Variants in ST18 observed in about 807,000 individuals in gnomAD.
ST18 encodes the protein ST18 C2H2C-type zinc finger transcription factor.
Under a neutral mutation model 110.0 loss-of-function variants are expected in ST18, and 50 were observed. The ratio of observed to expected loss-of-function variants is 0.45; its 90% CI spans 0.36 to 0.58. ST18 has a LOEUF of 0.58. Among genes scored for constraint, ST18 ranks in the 20% least tolerant of loss-of-function variants. The probability of loss-of-function intolerance (pLI) is 0.00; values close to 1 mark genes in which losing one functional copy is unlikely to be tolerated. For missense variants in ST18, 1,306 were observed against 1,280.1 expected, an observed-to-expected ratio of 1.02 and a Z score of -0.31; for synonymous variants, 461 against 452.4, an observed-to-expected ratio of 1.02 and a Z score of -0.24.
At chr8:52,260,227 G>T in intron 2 of ST18, among the ~76,000 whole-genome samples, 1 of 152,068 alleles carries the variant, frequency 6.6e-6, no homozygotes, top group East Asian at 1.9e-4. Flanking sequence ...TTCTATACCT[G>T]TATGTATCTC....
At chr8:52,216,683 G>T (rs1375739460) in intron 6 of ST18, among the ~76,000 whole-genome samples, 4 of 152,174 alleles carry the variant, frequency 2.6e-5, no homozygotes, top group Non-Finnish European at 5.9e-5. Context: ...TCTTCTCATA[G>T]ATCTCAATTC....
chr8:52,271,405 G>A (rs1399351607), intron 2 of ST18, among the ~76,000 whole-genome samples: 1 of 152,020 alleles, frequency 6.6e-6, no homozygotes, highest in Non-Finnish European at 1.5e-5. Context: ...TCTCACCAAG[G>A]CATTATTCCT....
chr8:52,398,733 A>G (rs1296862454), intron 2 of ST18, among the ~76,000 whole-genome samples: 1 of 152,134 alleles, frequency 6.6e-6, no homozygotes, highest in African/African-American at 2.4e-5. Flanking sequence ...CATTCTGCCA[A>G]TGTGATGTAT....
intron 22 of ST18, among the ~76,000 whole-genome samples, chr8:52,130,741 C>G (rs1357039523): frequency 6.6e-6 from 1 of 152,216 alleles, no homozygotes; most frequent in East Asian, 1.9e-4. Context: ...TTGGCATCAT[C>G]ATTTAAAACT....
At chr8:52,374,957 A>G (rs1831706697) in intron 2 of ST18, among the ~76,000 whole-genome samples, 2 of 151,904 alleles carry the variant, frequency 1.3e-5, no homozygotes, top group South Asian at 4.2e-4. Flanking sequence ...CACAGACTCC[A>G]CTCGTGCACT....
intron 2 of ST18, among the ~76,000 whole-genome samples, chr8:52,238,071 C>T (rs1214766616): frequency 6.6e-6 from 1 of 152,078 alleles, no homozygotes; most frequent in Non-Finnish European, 1.5e-5. Context: ...TAGCAAGTGT[C>T]GATGAGGATG....
At chr8:52,185,497 G>A (rs1241135349) in intron 8 of ST18, among the ~76,000 whole-genome samples, 1 of 152,158 alleles carries the variant, frequency 6.6e-6, no homozygotes, top group African/African-American at 2.4e-5. Flanking sequence ...AAAGTTGGAA[G>A]CCTTACAATG....
At chr8:52,325,841 A>T (rs1311116334) in intron 2 of ST18, among the ~76,000 whole-genome samples, 1 of 152,224 alleles carries the variant, frequency 6.6e-6, no homozygotes, top group Non-Finnish European at 1.5e-5. Flanking sequence ...AAGCCACTCA[A>T]CTTTATAAAT....
At position 52,159,029 on chromosome 8, in the gene ST18, T is replaced by G; in HGVS notation, c.1675A>C (p.Ser559Arg). The change falls in exon 15 of 26, where the codon AGC becomes CGC. Residue 559 changes from serine (S) to arginine (R), a missense_variant. Coordinates refer to ENST00000689386, the MANE Select transcript of ST18 (RefSeq NM_001352837.2). Reference protein sequence around the residue: ...GAHTQSPGRASSYSYGQCSED... With the variant: ...GAHTQSPGRARSYSYGQCSED... ...CTACATTGACCGTAGCTATAAGAGC[T>G]GGCACGGCCAGGGCTCTGGGTGTGG... is the stretch of plus-strand genomic sequence containing the variant. 6.2e-7 allele frequency: 1 copy of G among 1,614,142 alleles called. No homozygotes were observed. The highest frequency in any genetic ancestry group is 8.5e-7 in the Non-Finnish European group (1 of 1,180,000).
intron 2 of ST18, among the ~76,000 whole-genome samples, chr8:52,371,787 T>A (rs1830359018): frequency 1.3e-5 from 2 of 152,142 alleles, no homozygotes; most frequent in Admixed American, 1.3e-4. Flanking sequence ...GTCACAGCCA[T>A]CCTGATGTCA....
intron 8 of ST18, among the ~76,000 whole-genome samples, chr8:52,211,510 A>G (rs1418635290): frequency 6.6e-6 from 1 of 151,688 alleles, no homozygotes; most frequent in Non-Finnish European, 1.5e-5. Flanking sequence ...GGGTTCAAGC[A>G]ATTCTCCTGC....
intron 2 of ST18, among the ~76,000 whole-genome samples, chr8:52,311,140 T>C (rs897738134): frequency 6.6e-5 from 10 of 152,334 alleles, no homozygotes; most frequent in African/African-American, 2.4e-4. Flanking sequence ...ATTGTCAACA[T>C]TCTTTCCTGG....
At chr8:52,360,723 C>T (rs1344345805) in intron 2 of ST18, among the ~76,000 whole-genome samples, 1 of 152,122 alleles carries the variant, frequency 6.6e-6, no homozygotes, top group Non-Finnish European at 1.5e-5. Context: ...AGGAAAATGT[C>T]ACCCATATGT....
intron 2 of ST18, among the ~76,000 whole-genome samples, chr8:52,356,055 T>A (rs1051710365): frequency 6.6e-6 from 1 of 152,098 alleles, no homozygotes; most frequent in African/African-American, 2.4e-5. Context: ...GAATAAAGGA[T>A]TTAAAAAGTT....
At chr8:52,137,236 A>T (rs1301295665) in intron 18 of ST18, among the ~76,000 whole-genome samples, 185 bp downstream of exon 18, 3 of 152,162 alleles carry the variant, frequency 2.0e-5, no homozygotes, top group Non-Finnish European at 4.4e-5. Context: ...AGGATCAGAA[A>T]ACCATTTTGA....
intron 2 of ST18, among the ~76,000 whole-genome samples, chr8:52,302,559 C>T (rs1439169087): frequency 1.3e-5 from 2 of 152,188 alleles, no homozygotes; most frequent in Non-Finnish European, 2.9e-5. Context: ...TCTCCACTAG[C>T]AGGGAACTGG....
chr8:52,127,950 C>T (rs983097250), intron 22 of ST18, among the ~76,000 whole-genome samples: 11 of 151,594 alleles, frequency 7.3e-5, no homozygotes, highest in African/African-American at 2.4e-4. Flanking sequence ...ACCAAAATTA[C>T]CATTCTATTA....
chr8:52,290,737 G>C (rs1264511232), intron 2 of ST18, among the ~76,000 whole-genome samples: 1 of 152,236 alleles, frequency 6.6e-6, no homozygotes, highest in South Asian at 2.1e-4. Flanking sequence ...CACCAGCCCT[G>C]CCTGCCACTC....
intron 2 of ST18, among the ~76,000 whole-genome samples, chr8:52,235,487 T>C (rs766815860): frequency 6.6e-6 from 1 of 152,202 alleles, no homozygotes; most frequent in Non-Finnish European, 1.5e-5. Flanking sequence ...AGCTGACTAA[T>C]TGTTATATTA....
Sources: allele counts gnomAD v4.1 joint callset (sites outside exome capture counted in the v4.1 genomes callset), GRCh38; gene constraint gnomAD v4.1.1; transcripts MANE v1.5; gene names NCBI Gene and HGNC (gene_info 2026-07-23, HGNC 2026-07-21).